Variants in MINPP1 observed in about 807,000 individuals in gnomAD.
MINPP1 encodes multiple inositol polyphosphate phosphatase 1.
A neutral mutation model predicts 46.1 loss-of-function variants in MINPP1; 28 were observed. That is an observed-to-expected ratio of 0.61 (90% CI 0.45 to 0.83). The LOEUF is 0.83. Ranked by LOEUF, MINPP1 falls within the 40% of genes least tolerant of loss-of-function variation. The pLI, the probability that MINPP1 is intolerant of heterozygous loss-of-function variation, is 0.00. For missense variants in MINPP1, 603 were observed against 610.0 expected, an observed-to-expected ratio of 0.99 and a Z score of 0.12; for synonymous variants, 268 against 249.1, an observed-to-expected ratio of 1.08 and a Z score of -0.72.
chr10:87,521,519 A>G (rs921041566), intron 4 of MINPP1, among the ~76,000 whole-genome samples: 1 of 152,120 alleles, frequency 6.6e-6, no homozygotes, highest in East Asian at 1.9e-4. Flanking sequence ...TTATATTATG[A>G]ATGTATTGGT....
At chr10:87,550,929 C>A (rs1244700288) in intron 4 of MINPP1, among the ~76,000 whole-genome samples, 1 of 152,056 alleles carries the variant, frequency 6.6e-6, no homozygotes, top group Non-Finnish European at 1.5e-5. Context: ...GGACTAAATA[C>A]TTCCCAATTT....
At chr10:87,507,496 A>AT (rs5786776) in intron 1 of MINPP1, among the ~76,000 whole-genome samples, 110,754 of 151,884 alleles carry the variant, frequency 0.73, 40,974 homozygotes, top group African/African-American at 0.86. Context: ...ATACATACTG[A>AT]TTTTTTTTGC....
At chr10:87,518,473 G>A (rs943058098) in intron 3 of MINPP1, among the ~76,000 whole-genome samples, 2 of 151,896 alleles carry the variant, frequency 1.3e-5, no homozygotes, top group African/African-American at 2.4e-5. Flanking sequence ...CTCTCAAGCC[G>A]TGTTTTTCCT....
At position 87,521,181 on chromosome 10, in the gene MINPP1, C is replaced by G. The variant is rs575901634; in HGVS notation, c.1067+12C>G. The G allele has an allele frequency of 2.2e-5, 36 of 1,607,354 alleles. No homozygotes were observed. The South Asian group carries it at 3.6e-4, about 16-fold the overall frequency. ...GAACAGAAACAAAGGTAAGAACTTT[C>G]TAAAAAATGTGAAGTACATTTTGAG... is the stretch of plus-strand genomic sequence containing the variant. On this transcript the variant is annotated intron_variant, in intron 4 of 4. Coordinates refer to ENST00000371996, the MANE Select transcript of MINPP1 (RefSeq NM_004897.5).
chr10:87,543,546 T>C (rs999687940), intron 4 of MINPP1, among the ~76,000 whole-genome samples: 6 of 152,084 alleles, frequency 3.9e-5, no homozygotes, highest in African/African-American at 1.4e-4. Context: ...TCCCAGCTAC[T>C]CAGGGGCAGA....
chr10:87,505,736 TC>T lies in MINPP1; in HGVS notation c.637+188del, dbSNP rs1366539508. Reference sequence around the variant, plus strand: ...TATTACAGACTTGGCTATCTCTTTTTCCCCTTACACGTATGTTCATTTATTA... The same window carrying T: ...TATTACAGACTTGGCTATCTCTTTTTCCCTTACACGTATGTTCATTTATTA... On this transcript the variant is annotated intron_variant, in intron 1 of 4. Coordinates refer to ENST00000371996, the MANE Select transcript of MINPP1 (RefSeq NM_004897.5). The surrounding 1 kb of genome is among the most constrained non-coding windows in gnomAD (Gnocchi z 4.4). 6.6e-6 allele frequency among the ~76,000 whole-genome samples: 1 copy of T among 152,192 alleles called. No individual in the cohort carries two copies. The highest frequency in any genetic ancestry group is 2.4e-5 in the African/African-American group (1 of 41,440).
At chr10:87,549,465 C>T (rs930535510) in intron 4 of MINPP1, among the ~76,000 whole-genome samples, 1 of 152,190 alleles carries the variant, frequency 6.6e-6, no homozygotes, top group Admixed American at 6.6e-5. Context: ...ACAGTAGCCA[C>T]CAGCAACATG....
At chr10:87,531,677 G>A (rs1851662919) in intron 4 of MINPP1, among the ~76,000 whole-genome samples, 1 of 152,214 alleles carries the variant, frequency 6.6e-6, no homozygotes, top group African/African-American at 2.4e-5. Context: ...GAGTGCGGAT[G>A]TGATGCAGCA....
Position 87,521,125 on chromosome 10 carries a change from G to A in MINPP1, c.1023G>A (p.Gln341=). 3.1e-6 allele frequency: 5 copies of A among 1,610,774 alleles called. No individual in the cohort carries two copies. In the South Asian group the frequency reaches 5.5e-5, roughly 18 times the overall value. The change falls in exon 4 of 5, where the codon CAG becomes CAA. Residue 341 remains glutamine, a synonymous_variant. Coordinates refer to ENST00000371996, the MANE Select transcript of MINPP1 (RefSeq NM_004897.5). The part of the protein sequence containing the change: ...INSRSSCTLF[Q]DIFQHLDKAV... ...GTCGATCCAGCTGCACCTTGTTTCA[G>A]GATATCTTTCAGCACTTGGACAAAG...
intron 3 of MINPP1, among the ~76,000 whole-genome samples, chr10:87,518,029 G>A (rs567627117): frequency 2.1e-5 from 3 of 141,574 alleles, no homozygotes; most frequent in Non-Finnish European, 3.0e-5. Flanking sequence ...GCGTGATCTC[G>A]GCTCACTGCA....
intron 4 of MINPP1, among the ~76,000 whole-genome samples, chr10:87,551,119 T>C (rs1315301670): frequency 2.6e-5 from 4 of 152,096 alleles, no homozygotes; most frequent in East Asian, 1.9e-4. Context: ...AGAGAATACT[T>C]TTCCACCTAG....
rs776720909 is a variant in MINPP1, at chr10:87,508,318, A to G, written c.638-18A>G. The G allele has an allele frequency of 2.0e-5, 32 of 1,610,224 alleles. No individual in the cohort carries two copies. Among genetic ancestry groups the G allele is most frequent in the Non-Finnish European group, 2.5e-5 (30 of 1,177,636 alleles). Reference sequence around the variant, plus strand: ...TGTCAGTGATTTACAAATACATATAAATTTTTTTCTCTTTCAGATATGGAG... The same window carrying G: ...TGTCAGTGATTTACAAATACATATAGATTTTTTTCTCTTTCAGATATGGAG... On this transcript the variant is annotated intron_variant, in intron 1 of 4. Coordinates refer to ENST00000371996, the MANE Select transcript of MINPP1 (RefSeq NM_004897.5).
chr10:87,531,637 T>C (rs1342296723), intron 4 of MINPP1, among the ~76,000 whole-genome samples: 2 of 152,156 alleles, frequency 1.3e-5, no homozygotes, highest in African/African-American at 4.8e-5. Flanking sequence ...AATGTGAAAA[T>C]TCAAAATACT....
At chr10:87,540,109 G>A (rs565611128) in intron 4 of MINPP1, among the ~76,000 whole-genome samples, 15 of 152,242 alleles carry the variant, frequency 9.9e-5, no homozygotes, top group African/African-American at 2.9e-4. Context: ...GGCTCAAGCA[G>A]TTCTCCCATC....
chr10:87,505,024 G>A lies in MINPP1; in HGVS notation c.109G>A (p.Asp37Asn), dbSNP rs757092961. 11 of 1,613,148 alleles carry A rather than the reference G, an allele frequency of 6.8e-6. No individual in the cohort carries two copies. The South Asian group carries it at 9.9e-5, about 14-fold the overall frequency. ...LARCSLLEPRDPVASSLSPYF... is the reference protein window; with the variant it reads ...LARCSLLEPRNPVASSLSPYF... Reference sequence around the variant, plus strand: ...GCGCTGCTCTCTTCTAGAGCCGAGGGACCCGGTGGCCTCGTCGCTCAGCCC... The same window carrying A: ...GCGCTGCTCTCTTCTAGAGCCGAGGAACCCGGTGGCCTCGTCGCTCAGCCC... Residue 37 changes from aspartate to asparagine, a missense_variant, in exon 1 of 5, where the codon GAC (aspartate) becomes AAC (asparagine). Asp to Asn is a conservative substitution (Grantham distance 23). Around this residue, in one of 3 missense-constraint regions of MINPP1, gnomAD observed 239 missense variants for 189.4 expected, o/e 1.26. Transcript: ENST00000371996. This position sits in a 1 kb window ranked among gnomAD's most constrained non-coding sequence, Gnocchi z 4.4.
At position 87,505,644 on chromosome 10, in the gene MINPP1, C is replaced by A; in HGVS notation, c.637+92C>A. ...CCCCAGACCCTGGGCTTTTCCGATG[C>A]CCCCCAGTTCTCTTTCCTCTTTTCC... On this transcript the variant is annotated intron_variant, in intron 1 of 4. Coordinates refer to ENST00000371996, the MANE Select transcript of MINPP1 (RefSeq NM_004897.5). This position sits in a 1 kb window ranked among gnomAD's most constrained non-coding sequence, Gnocchi z 4.4. The A allele has an allele frequency of 3.5e-6, 4 of 1,153,060 alleles. No homozygotes were observed. Among genetic ancestry groups the A allele is most frequent in the Non-Finnish European group, 4.9e-6 (4 of 818,630 alleles). The allele number at this position is 1,153,060 out of a possible 1,614,324, so 71.4% of individuals were successfully genotyped here.
At chr10:87,543,445 A>G (rs1851844555) in intron 4 of MINPP1, among the ~76,000 whole-genome samples, 1 of 152,174 alleles carries the variant, frequency 6.6e-6, no homozygotes, top group Admixed American at 6.5e-5. Flanking sequence ...ACTTGGGCCC[A>G]GGAGTTCAAG....
chr10:87,505,225 C>T lies in MINPP1; in HGVS notation c.310C>T (p.Gln104Ter), dbSNP rs202094362. 1.2e-6 allele frequency: 2 copies of T among 1,612,252 alleles called. No homozygotes were observed. The highest frequency in any genetic ancestry group is 1.3e-5 in the African/African-American group (1 of 75,060). Residue 104 changes from glutamine to a stop codon, truncating the protein, a stop_gained, in exon 1 of 5, where the codon CAG (glutamine) becomes TAG (stop). Coordinates refer to ENST00000371996, the MANE Select transcript of MINPP1 (RefSeq NM_004897.5). LOFTEE classifies it high-confidence loss of function. The surrounding 1 kb of genome is among the most constrained non-coding windows in gnomAD (Gnocchi z 4.4). ...GGTCAAACAGATCCGCAAGCTGAGG[C>T]AGCTGCACGGGTTGCTGCAGGCCCG... ...PTVKQIRKLRQLHGLLQARGS... is the reference protein window; with the variant it reads ...PTVKQIRKLR
Position 87,505,299 on chromosome 10 carries a change from T to C in MINPP1, c.384T>C (p.Gly128=). 1 of 1,611,628 alleles carries C rather than the reference T, an allele frequency of 6.2e-7. No homozygotes were observed. Among genetic ancestry groups the C allele is most frequent in the East Asian group, 2.2e-5 (1 of 44,792 alleles). The change falls in exon 1 of 5, where the codon GGT becomes GGC. Residue 128 remains glycine (G), a synonymous_variant. Coordinates refer to ENST00000371996, the MANE Select transcript of MINPP1 (RefSeq NM_004897.5). This position sits in a 1 kb window ranked among gnomAD's most constrained non-coding sequence, Gnocchi z 4.4. ...GASSTGSRDL[G]AALADWPLWY... The stretch of plus-strand genomic sequence containing the variant: ...GTAGTACCGGCAGCCGCGACCTGGG[T>C]GCAGCGCTGGCCGACTGGCCTTTGT...
Sources: gnomAD v4.1 joint callset for allele counts (sites outside exome capture counted in the v4.1 genomes callset) on GRCh38, gnomAD v4.1.1 for gene constraint, gnomAD v4.1.1 regional missense constraint, Gnocchi (gnomAD v3.1) non-coding constraint, MANE v1.5 for transcripts, NCBI Gene and HGNC (gene_info 2026-07-23, HGNC 2026-07-21) for gene names.